The following TDRD5 variants were observed in gnomAD, a reference collection of about 807,000 sequenced individuals.
The protein encoded by TDRD5 is tudor domain-containing protein 5.
TDRD5 carries 41 observed loss-of-function variants against 120.6 expected under a neutral mutation model. That is an observed-to-expected ratio of 0.34 (90% confidence interval 0.26 to 0.44). The LOEUF (loss-of-function observed/expected upper bound fraction) is 0.44. Ranked by LOEUF, TDRD5 falls within the 20% of genes least tolerant of loss-of-function variation. The pLI, the probability that TDRD5 is intolerant of heterozygous loss-of-function variation, is 1.00. For missense variants in TDRD5, 1,006 were observed against 1,221.2 expected (o/e 0.82, Z 2.63); for synonymous variants, 430 against 433.7 (o/e 0.99, Z 0.11).
intron 17 of TDRD5, among the ~76,000 whole-genome samples, chr1:179,680,916 C>T (rs915633411): frequency 1.3e-5 from 2 of 151,996 alleles, no homozygotes; most frequent in South Asian, 2.1e-4. Flanking sequence ...GGCATATGAC[C>T]AAATGGACAA....
At position 179,602,370 on chromosome 1, in the gene TDRD5, A is replaced by G. The variant is rs193084342; in HGVS notation, c.831+6552A>G. 3.3e-3 allele frequency among the ~76,000 whole-genome samples: 500 copies of G among 152,176 alleles called. 4 individuals carry two copies. Among genetic ancestry groups the G allele is most frequent in the African/African-American group, 0.011 (468 of 41,520 alleles). On this transcript the variant is annotated intron_variant, in intron 4 of 17. Transcript: ENST00000444136. ...GTATATCTTCTTTTGAGAATTGTCA[A>G]TTCATGTCCTTAGCCCACTTCTTGA...
chr1:179,674,095 G>A (rs1392445311), intron 17 of TDRD5, among the ~76,000 whole-genome samples: 2 of 152,154 alleles, frequency 1.3e-5, no homozygotes, highest in African/African-American at 2.4e-5. Flanking sequence ...TTGAATAGAA[G>A]TGGTGAAAGT....
chr1:179,645,992 G>T (rs1176525629), intron 11 of TDRD5, among the ~76,000 whole-genome samples: 1 of 151,930 alleles, frequency 6.6e-6, no homozygotes, highest in Non-Finnish European at 1.5e-5. Flanking sequence ...CTATATAGTT[G>T]TATTTTTTTA....
At chr1:179,618,935 T>G (rs757208736) in intron 5 of TDRD5, among the ~76,000 whole-genome samples, 1 of 152,170 alleles carries the variant, frequency 6.6e-6, no homozygotes, top group Non-Finnish European at 1.5e-5. Flanking sequence ...TCCCAATAGA[T>G]CACTGTTGAC....
Position 179,634,537 on chromosome 1 carries a change from G to T in TDRD5, c.1207G>T (p.Glu403Ter), listed in dbSNP as rs759820139. 1 of 1,613,974 alleles carries T rather than the reference G, an allele frequency of 6.2e-7. No homozygotes were observed. The highest frequency in any genetic ancestry group is 8.5e-7 in the Non-Finnish European group (1 of 1,179,988). ...RNSLSTAAVK[E>*]TVWNCPSKKQ... Reference sequence around the variant, plus strand: ...TTCATTGTCTACTGCTGCTGTCAAAGAGACTGTATGGAATTGCCCTTCAAA... The same window carrying T: ...TTCATTGTCTACTGCTGCTGTCAAATAGACTGTATGGAATTGCCCTTCAAA... The change falls in exon 8 of 18, where the codon GAG becomes TAG. Residue 403 changes from glutamate to a stop codon, truncating the protein, a stop_gained. Transcript: ENST00000444136. LOFTEE classifies it high-confidence loss of function.
chr1:179,593,212 C>A (rs552345751), intron 2 of TDRD5, among the ~76,000 whole-genome samples: 1 of 152,220 alleles, frequency 6.6e-6, no homozygotes, highest in South Asian at 2.1e-4. Context: ...CCAAGAGTTT[C>A]AAAAAATCTG....
At chr1:179,654,069 G>A (rs1391852219) in intron 13 of TDRD5, 132 bp from the exon 14 acceptor site, 1 of 699,982 alleles carries the variant, frequency 1.4e-6, no homozygotes, top group Middle Eastern at 4.5e-4. Context: ...CTAGGATCAT[G>A]GATAAAGCTA....
chr1:179,613,628 A>G (rs190598151), intron 4 of TDRD5, among the ~76,000 whole-genome samples: 32 of 152,284 alleles, frequency 2.1e-4, no homozygotes, highest in Admixed American at 5.9e-4. Context: ...TCATTCATAG[A>G]TAGAGGTCTT....
At chr1:179,680,254 T>C (rs906925918) in intron 17 of TDRD5, among the ~76,000 whole-genome samples, 1 of 152,338 alleles carries the variant, frequency 6.6e-6, no homozygotes, top group Non-Finnish European at 1.5e-5. Flanking sequence ...ACCTGTACTT[T>C]AGAACGATGT....
chr1:179,641,950 C>T (rs944494719), intron 11 of TDRD5, among the ~76,000 whole-genome samples: 18 of 151,958 alleles, frequency 1.2e-4, no homozygotes, highest in African/African-American at 3.9e-4. Context: ...ATTTTATTTC[C>T]GATAAGTTTC....
At chr1:179,668,741 CTTTTTTTTTT>C (rs35873475) in intron 16 of TDRD5, among the ~76,000 whole-genome samples, 1 of 110,332 alleles carries the variant, frequency 9.1e-6, no homozygotes, top group Non-Finnish European at 1.8e-5. Flanking sequence ...TATCTAGGTT[CTTTTTTTTTT>C]TTTTTTTTTG....
chr1:179,687,349 G>T (rs143226301), intron 17 of TDRD5, among the ~76,000 whole-genome samples: 5 of 152,226 alleles, frequency 3.3e-5, no homozygotes, highest in South Asian at 2.1e-4. Context: ...GTAGTTGAGC[G>T]GTTTTGAGTG....
At chr1:179,605,068 T>C (rs192566699) in intron 4 of TDRD5, among the ~76,000 whole-genome samples, 1 of 152,324 alleles carries the variant, frequency 6.6e-6, no homozygotes, top group African/African-American at 2.4e-5. Context: ...GTTAGGTGCA[T>C]ATATGTTTAG....
At chr1:179,597,332 C>CTTTTTT (rs945509784) in intron 4 of TDRD5, among the ~76,000 whole-genome samples, 6 of 125,568 alleles carry the variant, frequency 4.8e-5, no homozygotes, top group East Asian at 2.3e-4. Flanking sequence ...TTCTTTTTTT[C>CTTTTTT]TTTTTTTTTT....
intron 17 of TDRD5, among the ~76,000 whole-genome samples, chr1:179,681,474 TATAAA>T (rs1409423377): frequency 6.6e-6 from 1 of 152,184 alleles, no homozygotes; most frequent in Non-Finnish European, 1.5e-5. Context: ...TCAATTATCT[TATAAA>T]GAAATTAAAA....
intron 2 of TDRD5, 37 bp downstream of exon 2, chr1:179,592,884 A>G: frequency 6.4e-7 from 1 of 1,563,332 alleles, no homozygotes; most frequent in East Asian, 2.2e-5. Flanking sequence ...TAAACTTTGT[A>G]ATAAAAACAA....
intron 14 of TDRD5, among the ~76,000 whole-genome samples, chr1:179,659,884 T>C (rs1679207413): frequency 6.6e-6 from 1 of 151,700 alleles, no homozygotes; most frequent in Admixed American, 6.6e-5. Context: ...TTAATAGAGA[T>C]GGGATTTCTC....
intron 12 of TDRD5, 105 bp from the exon 13 acceptor site, chr1:179,651,934 G>A (rs1678739574): frequency 7.9e-7 from 1 of 1,258,950 alleles, no homozygotes; most frequent in Non-Finnish European, 1.1e-6. Context: ...ATAAAATTTG[G>A]AAGATAATAT....
intron 11 of TDRD5, among the ~76,000 whole-genome samples, chr1:179,641,045 G>A (rs1168193462): frequency 6.6e-6 from 1 of 152,104 alleles, no homozygotes; most frequent in Non-Finnish European, 1.5e-5. Context: ...AATGGAGCAG[G>A]AGGCATTTTC....
Sources: allele counts gnomAD v4.1 joint callset (sites outside exome capture counted in the v4.1 genomes callset), GRCh38; gene constraint gnomAD v4.1.1; transcripts MANE v1.5; gene names NCBI Gene and HGNC (gene_info 2026-07-23, HGNC 2026-07-21).